The following FAM53A variants were observed in gnomAD, a reference collection of about 807,000 sequenced individuals.
FAM53A encodes family with sequence similarity 53 member A, also known as protein FAM53A.
FAM53A carries 28 observed loss-of-function variants against 26.6 expected under a neutral mutation model. That is an observed-to-expected ratio of 1.05 (90% CI 0.78 to 1.45). The LOEUF (loss-of-function observed/expected upper bound fraction) is 1.45, where lower values mean the gene tolerates loss of function less well. Ranked by LOEUF, FAM53A falls within the 40% of genes most tolerant of loss-of-function variation. FAM53A has a pLI of 0.00. For synonymous variants in FAM53A, 290 were observed against 253.1 expected (o/e 1.15, Z -1.38); for missense variants, 650 against 575.8 (o/e 1.13, Z -1.32).
the FAM53A span, among the ~76,000 whole-genome samples, chr4:1,606,205 AT>A: frequency 2.9e-3 from 418 of 143,154 alleles, no homozygotes; most frequent in African/African-American, 5.1e-3. Flanking sequence ...CACCTGGATA[AT>A]TTTTTTTTTT....
intron 1 of FAM53A, among the ~76,000 whole-genome samples, chr4:1,673,837 G>A (rs778577229): frequency 3.9e-5 from 6 of 152,280 alleles, no homozygotes; most frequent in Non-Finnish European, 8.8e-5. Context: ...GCTCTGGCAC[G>A]CGGGAGGCGC....
downstream of FAM53A, among the ~76,000 whole-genome samples, chr4:1,615,299 G>A (rs1386244965): frequency 7.7e-6 from 1 of 130,484 alleles, no homozygotes; most frequent in African/African-American, 3.0e-5. Context: ...CGGAAGACAG[G>A]ATGCGGCCAC....
intron 1 of FAM53A, among the ~76,000 whole-genome samples, chr4:1,675,679 C>G (rs1374072748): frequency 1.3e-5 from 2 of 152,218 alleles, no homozygotes; most frequent in Non-Finnish European, 2.9e-5. Flanking sequence ...CACTCATTCC[C>G]ATACACTGGG....
chr4:1,667,127 CAA>C (rs570780273), intron 2 of FAM53A, among the ~76,000 whole-genome samples: 2 of 130,192 alleles, frequency 1.5e-5, no homozygotes, highest in Admixed American at 7.9e-5. Flanking sequence ...GACTCCATCT[CAA>C]AAAAAAAAAA....
intron 4 of FAM53A, among the ~76,000 whole-genome samples, chr4:1,643,807 T>C (rs961507563): frequency 1.4e-4 from 21 of 151,986 alleles, no homozygotes; most frequent in Non-Finnish European, 2.5e-4. Context: ...GCTCAAACAA[T>C]CCTCCCGCCT....
chr4:1,645,896 T>C (rs1385447766), intron 4 of FAM53A, among the ~76,000 whole-genome samples: 1 of 152,194 alleles, frequency 6.6e-6, no homozygotes, highest in Non-Finnish European at 1.5e-5. Flanking sequence ...TACCATGGTG[T>C]TGGGAGTTGA....
intron 1 of FAM53A, among the ~76,000 whole-genome samples, chr4:1,681,357 C>G (rs1250241487): frequency 6.6e-6 from 1 of 152,106 alleles, no homozygotes. Context: ...CTTGTAGGGT[C>G]CAGCCCCACA....
chr4:1,661,192 A>G (rs113279939), intron 2 of FAM53A, among the ~76,000 whole-genome samples: 1 of 152,108 alleles, frequency 6.6e-6, no homozygotes, highest in African/African-American at 2.4e-5. Flanking sequence ...TGAGAGTCAG[A>G]TCCCAGATGC....
the FAM53A span, among the ~76,000 whole-genome samples, chr4:1,579,763 G>A: frequency 6.6e-6 from 1 of 152,154 alleles, no homozygotes; most frequent in Non-Finnish European, 1.5e-5. Flanking sequence ...GGCTGGCCAG[G>A]AGTGTCCGCG....
intron 4 of FAM53A, among the ~76,000 whole-genome samples, chr4:1,649,085 C>T (rs756244109): frequency 7.1e-6 from 1 of 141,664 alleles, no homozygotes; most frequent in African/African-American, 2.7e-5. Context: ...TGCAGTCCAG[C>T]GTGGGCAACA....
At chr4:1,669,272 T>C (rs1714464450) in intron 1 of FAM53A, among the ~76,000 whole-genome samples, 1 of 152,226 alleles carries the variant, frequency 6.6e-6, no homozygotes, top group Non-Finnish European at 1.5e-5. Context: ...ACAGAAACTC[T>C]GACTACCCAC....
the FAM53A span, among the ~76,000 whole-genome samples, chr4:1,591,001 T>TAA: frequency 1.6e-5 from 2 of 125,738 alleles, no homozygotes; most frequent in East Asian, 2.4e-4. Flanking sequence ...TATATATATA[T>TAA]AATCATTCTA....
the FAM53A span, among the ~76,000 whole-genome samples, chr4:1,611,137 A>T: frequency 6.6e-6 from 1 of 152,150 alleles, no homozygotes; most frequent in African/African-American, 2.4e-5. Flanking sequence ...CAGCCGCCTG[A>T]CCCAGCCCGG....
chr4:1,644,088 G>A, intron 4 of FAM53A: 2 of 1,442,960 alleles, frequency 1.4e-6, no homozygotes, highest in East Asian at 2.5e-5. Context: ...CCGTGACCTT[G>A]CAGACTCTGG....
At chr4:1,669,515 G>A (rs1212741819) in intron 1 of FAM53A, among the ~76,000 whole-genome samples, 3 of 152,194 alleles carry the variant, frequency 2.0e-5, no homozygotes, top group Admixed American at 6.5e-5. Context: ...GCTGCGGGGC[G>A]GCCCCAGGGC....
chr4:1,615,936 G>A (rs899545542), downstream of FAM53A, among the ~76,000 whole-genome samples: 1 of 152,218 alleles, frequency 6.6e-6, no homozygotes, highest in Admixed American at 6.5e-5. Context: ...CGATGTTTCA[G>A]AGACATCCGT....
chr4:1,620,464 C>T (rs780489391), intron 1 of FAM53A, among the ~76,000 whole-genome samples: 2 of 151,950 alleles, frequency 1.3e-5, no homozygotes, highest in Non-Finnish European at 2.9e-5. Flanking sequence ...ATTGTACTGG[C>T]TGCATACAAA....
the FAM53A span, among the ~76,000 whole-genome samples, chr4:1,590,961 T>TAC: frequency 0.05 from 3,851 of 76,366 alleles, 289 homozygotes; most frequent in Non-Finnish European, 0.058. Context: ...AATGCATATA[T>TAC]ATATATATAT....
At chr4:1,584,677 G>T in the FAM53A span, among the ~76,000 whole-genome samples, 7 of 151,822 alleles carry the variant, frequency 4.6e-5, no homozygotes, top group East Asian at 9.6e-4. Flanking sequence ...TGGGAGCTTG[G>T]CTGGGCTGTC....
Sources: gnomAD v4.1 joint callset for allele counts (sites outside exome capture counted in the v4.1 genomes callset) on GRCh38, gnomAD v4.1.1 for gene constraint, MANE v1.5 for transcripts, NCBI Gene and HGNC (gene_info 2026-07-23, HGNC 2026-07-21) for gene names.